The following DGKB variants were observed in gnomAD, a reference collection of about 807,000 sequenced individuals.
DGKB encodes diacylglycerol kinase beta.
DGKB carries 67 observed loss-of-function variants against 114.3 expected under a neutral mutation model. The observed-to-expected ratio is 0.59, with a 90% CI of 0.48 to 0.72. The LOEUF (loss-of-function observed/expected upper bound fraction) is 0.72, where lower values mean the gene tolerates loss of function less well. DGKB is among the 30% of genes least tolerant of loss of function. The pLI is 0.00. For missense variants in DGKB, 907 were observed against 975.2 expected (o/e 0.93, Z 0.93); for synonymous variants, 398 against 323.1 (o/e 1.23, Z -2.49).
chr7:14,639,962 G>A (rs1306218331), intron 13 of DGKB, among the ~76,000 whole-genome samples: 1 of 152,108 alleles, frequency 6.6e-6, no homozygotes, highest in Admixed American at 6.5e-5. Flanking sequence ...ATGTGACACA[G>A]TGGGTGTTAT....
intron 17 of DGKB, among the ~76,000 whole-genome samples, chr7:14,604,571 T>G (rs952781561): frequency 2.0e-5 from 3 of 152,218 alleles, no homozygotes; most frequent in African/African-American, 7.2e-5. Context: ...ATTGGAAAAG[T>G]AATAAACTAG....
chr7:14,686,290 A>C lies in DGKB; in HGVS notation c.712-928T>G, dbSNP rs73680183. ...AATAAAATGAAATAATATGATGCTT[A>C]GGAATTTCTTGAACTCCTTACAAGA... On this transcript the variant is annotated intron_variant, in intron 9 of 25. Coordinates refer to ENST00000402815, the MANE Select transcript of DGKB (RefSeq NM_001350709.2). 7.9e-3 allele frequency among the ~76,000 whole-genome samples: 1,198 copies of C among 152,286 alleles called. 13 individuals carry two copies. The highest frequency in any genetic ancestry group is 0.028 in the African/African-American group (1,149 of 41,566).
chr7:14,760,017 G>A (rs1835451893), intron 2 of DGKB, among the ~76,000 whole-genome samples: 1 of 152,106 alleles, frequency 6.6e-6, no homozygotes, highest in Non-Finnish European at 1.5e-5. Context: ...TAATAATGCT[G>A]AGCATCTTTT....
chr7:14,384,193 T>C (rs1356152663), intron 21 of DGKB, among the ~76,000 whole-genome samples: 2 of 152,212 alleles, frequency 1.3e-5, no homozygotes, highest in African/African-American at 4.8e-5. Context: ...TGAAAATCAG[T>C]TTGGTTTAAT....
intron 1 of DGKB, among the ~76,000 whole-genome samples, chr7:14,915,913 T>A (rs2128245257): frequency 1.3e-5 from 2 of 152,212 alleles, no homozygotes; most frequent in Admixed American, 1.3e-4. Flanking sequence ...AGAGAAGGCA[T>A]GAATGAGGGT....
In DGKB at chr7:14,685,195, A is replaced by C. The variant is rs548464422; in HGVS notation, c.829+50T>G. On this transcript the variant is annotated intron_variant, in intron 10 of 25. Coordinates refer to ENST00000402815, the MANE Select transcript of DGKB (RefSeq NM_001350709.2). The stretch of plus-strand genomic sequence containing the variant: ...CAAATAAGACTATTCCATGAAATCA[A>C]CCTTTCCTCACTTGAGGAGATGATG... 7 of 1,229,152 alleles carry C rather than the reference A, an allele frequency of 5.7e-6. No individual in the cohort carries two copies. The South Asian group carries it at 8.5e-5, about 15-fold the overall frequency. The allele number at this position is 1,229,152 out of a possible 1,614,324, so 76.1% of individuals were successfully genotyped here.
At chr7:14,530,963 T>C (rs886299002) in intron 20 of DGKB, among the ~76,000 whole-genome samples, 19 of 151,540 alleles carry the variant, frequency 1.3e-4, no homozygotes, top group Non-Finnish European at 3.0e-5. Context: ...AAAAAATCTA[T>C]AAAATATGAA....
At chr7:14,730,109 T>C (rs868687699) in intron 5 of DGKB, among the ~76,000 whole-genome samples, 27 of 152,340 alleles carry the variant, frequency 1.8e-4, no homozygotes, top group Non-Finnish European at 1.9e-4. Context: ...ACAAACAGTA[T>C]GAGTGTTTAA....
chr7:14,163,606 C>T (rs184528568), intron 25 of DGKB, among the ~76,000 whole-genome samples: 54 of 152,286 alleles, frequency 3.5e-4, no homozygotes, highest in Admixed American at 8.5e-4. Flanking sequence ...AACATATACT[C>T]ACAAGAACAG....
intron 20 of DGKB, among the ~76,000 whole-genome samples, chr7:14,507,523 C>T (rs145002560): frequency 1.3e-5 from 2 of 152,056 alleles, no homozygotes; most frequent in Admixed American, 1.3e-4. Context: ...AAGATATTTT[C>T]ATTTTGTATT....
chr7:14,924,418 A>T (rs919348561), intron 1 of DGKB, among the ~76,000 whole-genome samples: 1 of 152,144 alleles, frequency 6.6e-6, no homozygotes, highest in Non-Finnish European at 1.5e-5. Context: ...AAAGTTATAA[A>T]AAGTTCTCAG....
chr7:14,756,909 C>T (rs1834956457), intron 3 of DGKB, among the ~76,000 whole-genome samples: 1 of 151,950 alleles, frequency 6.6e-6, no homozygotes, highest in Admixed American at 6.6e-5. Context: ...GATGATCGAA[C>T]ATTTAAAATG....
At chr7:14,628,848 G>T (rs1809135820) in intron 14 of DGKB, among the ~76,000 whole-genome samples, 1 of 151,964 alleles carries the variant, frequency 6.6e-6, no homozygotes, top group Admixed American at 6.6e-5. Flanking sequence ...GAAAGTTTAA[G>T]TTAATGTAAA....
chr7:14,816,611 T>C (rs1171125410), intron 2 of DGKB: 1 of 152,154 alleles, frequency 6.6e-6, no homozygotes, highest in East Asian at 1.9e-4. Flanking sequence ...GCCACCTCTC[T>C]AAATCTTAAT....
chr7:14,594,914 C>T (rs145732684), intron 17 of DGKB, among the ~76,000 whole-genome samples: 37 of 152,144 alleles, frequency 2.4e-4, no homozygotes, highest in African/African-American at 8.7e-4. Context: ...GTAGTAACTG[C>T]AACTATGTAC....
upstream of DGKB, among the ~76,000 whole-genome samples, chr7:14,906,225 AC>A (rs954818303): frequency 7.2e-5 from 11 of 151,978 alleles, no homozygotes; most frequent in Middle Eastern, 3.4e-3. Context: ...TAAAAAAAAA[AC>A]AAAAACAAAA....
intron 5 of DGKB, among the ~76,000 whole-genome samples, chr7:14,727,483 C>G (rs577309942): frequency 1.3e-5 from 2 of 152,044 alleles, no homozygotes; most frequent in Non-Finnish European, 2.9e-5. Flanking sequence ...TTCAATACTA[C>G]AGAGGTACAT....
chr7:14,738,849 T>C (rs915631105), intron 4 of DGKB, among the ~76,000 whole-genome samples: 4 of 152,234 alleles, frequency 2.6e-5, no homozygotes, highest in African/African-American at 9.6e-5. Flanking sequence ...ACCATAATTA[T>C]ACCTTAAAAC....
At chr7:14,872,630 A>C (rs1852643237) in intron 1 of DGKB, among the ~76,000 whole-genome samples, 2 of 152,086 alleles carry the variant, frequency 1.3e-5, no homozygotes, top group Admixed American at 1.3e-4. Flanking sequence ...TGTTTAAAGA[A>C]ACTAAGTTGT....
Sources: gnomAD v4.1 joint callset for allele counts (sites outside exome capture counted in the v4.1 genomes callset) on GRCh38, gnomAD v4.1.1 for gene constraint, MANE v1.5 for transcripts, NCBI Gene and HGNC (gene_info 2026-07-23, HGNC 2026-07-21) for gene names.